GPBP1L1: variants seen among roughly 807,000 people sequenced by gnomAD.
GPBP1L1 encodes vasculin-like protein 1.
In GPBP1L1, 23 loss-of-function variants were observed where a neutral mutation model predicts 52.5. That is an observed-to-expected ratio of 0.44 (90% confidence interval 0.32 to 0.62). The LOEUF is 0.62. Ranked by LOEUF, GPBP1L1 falls within the 20% of genes least tolerant of loss-of-function variation. GPBP1L1 has a pLI of 0.06. For synonymous variants in GPBP1L1, 243 were observed against 203.1 expected, an observed-to-expected ratio of 1.20 and a Z score of -1.67; for missense variants, 596 against 579.3, an observed-to-expected ratio of 1.03 and a Z score of -0.30.
intron 3 of GPBP1L1, among the ~76,000 whole-genome samples, chr1:45,659,716 G>A (rs1339528629): frequency 6.6e-6 from 1 of 152,164 alleles, no homozygotes; most frequent in South Asian, 2.1e-4. Flanking sequence ...GGCCGAGGTG[G>A]ATCGCTTGAG....
intron 3 of GPBP1L1, 85 bp downstream of exon 3, chr1:45,660,099 A>T (rs1013456472): frequency 2.5e-6 from 2 of 802,768 alleles, no homozygotes; most frequent in African/African-American, 3.7e-5. Context: ...CTCCAAAATT[A>T]ATTACATCAG....
chr1:45,678,934 A>G (rs1236273551), intron 2 of GPBP1L1, among the ~76,000 whole-genome samples: 1 of 152,224 alleles, frequency 6.6e-6, no homozygotes, highest in African/African-American at 2.4e-5. Context: ...CACTTAGACT[A>G]CAATCTGGAA....
At chr1:45,649,324 T>C (rs2148459292) in intron 6 of GPBP1L1, among the ~76,000 whole-genome samples, 1 of 152,340 alleles carries the variant, frequency 6.6e-6, no homozygotes, top group East Asian at 1.9e-4. Flanking sequence ...ACAACACTTA[T>C]TCAAATTGTC....
At chr1:45,671,170 T>A (rs1339237554) in intron 2 of GPBP1L1, among the ~76,000 whole-genome samples, 2 of 150,762 alleles carry the variant, frequency 1.3e-5, no homozygotes, top group East Asian at 2.0e-4. Context: ...CCCCTCATAA[T>A]ATACCTATAA....
rs540124474 is a variant in GPBP1L1 at position 45,640,017 on chromosome 1, C to CAA, written c.744+192_744+193insTT. On this transcript the variant is annotated intron_variant, in intron 8 of 12. Transcript: ENST00000355105. ...TGCCACTGCATTCCAGCCTGGGTGA[C>CAA]AGAGTGAGACCTTGTCTCAAAAAAA... Among the ~76,000 whole-genome samples, 1,076 of 147,272 alleles carry CAA rather than the reference C, an allele frequency of 7.3e-3. 11 individuals are homozygous for CAA. Among genetic ancestry groups the CAA allele is most frequent in the African/African-American group, 0.026 (1,024 of 39,692 alleles).
Position 45,681,429 on chromosome 1 carries a change from G to A in GPBP1L1, c.-1098+4147C>T, listed in dbSNP as rs368066216. Reference sequence around the variant, plus strand: ...ACAAAGTACAAGGAAAAAAACTGAGGAGAAATATGCAAATTAAGGCATTTA... The same window carrying A: ...ACAAAGTACAAGGAAAAAAACTGAGAAGAAATATGCAAATTAAGGCATTTA... On this transcript the variant is annotated intron_variant, in intron 2 of 12. Coordinates refer to ENST00000355105, the MANE Select transcript of GPBP1L1 (RefSeq NM_021639.5). 4.6e-5 allele frequency among the ~76,000 whole-genome samples: 7 copies of A among 152,212 alleles called. No homozygotes were observed. In the East Asian group the frequency reaches 7.7e-4, roughly 17 times the overall value.
intron 10 of GPBP1L1, among the ~76,000 whole-genome samples, chr1:45,633,077 C>A (rs572797695): frequency 6.6e-6 from 1 of 152,324 alleles, no homozygotes; most frequent in South Asian, 2.1e-4. Flanking sequence ...CAAAATGGCA[C>A]AACCACTTTG....
chr1:45,678,225 G>A (rs1645170202), intron 2 of GPBP1L1, among the ~76,000 whole-genome samples: 1 of 152,166 alleles, frequency 6.6e-6, no homozygotes, highest in Non-Finnish European at 1.5e-5. Context: ...AGTAGCAATG[G>A]TTGTACAAAT....
intron 2 of GPBP1L1, among the ~76,000 whole-genome samples, chr1:45,680,732 A>C (rs1266330862): frequency 6.6e-6 from 1 of 152,136 alleles, no homozygotes; most frequent in Non-Finnish European, 1.5e-5. Context: ...CCAAATACCT[A>C]CCTAATTTGG....
chr1:45,686,796 A>G (rs1645295079), upstream of GPBP1L1: 1 of 152,214 alleles, frequency 6.6e-6, no homozygotes, highest in African/African-American at 2.4e-5. Flanking sequence ...TCTGCCCCCT[A>G]CAGAATTGAA....
chr1:45,680,906 G>C (rs1645205036), intron 2 of GPBP1L1, among the ~76,000 whole-genome samples: 1 of 152,040 alleles, frequency 6.6e-6, no homozygotes, highest in Non-Finnish European at 1.5e-5. Context: ...GTAGAAAATA[G>C]GGAAAAAAAT....
At chr1:45,660,143 TAG>T (rs1644931806) in intron 3 of GPBP1L1, 39 bp downstream of exon 3, 1 of 969,096 alleles carries the variant, frequency 1.0e-6, no homozygotes, top group Non-Finnish European at 1.2e-6. Flanking sequence ...TGCATATACA[TAG>T]AGTCTTCTTT....
chr1:45,672,505 A>G (rs1184080757), intron 2 of GPBP1L1, among the ~76,000 whole-genome samples: 1 of 150,858 alleles, frequency 6.6e-6, no homozygotes, highest in Non-Finnish European at 1.5e-5. Flanking sequence ...AGATTCCACA[A>G]ATAATGAGAG....
At chr1:45,655,777 T>TAA (rs959624293) in intron 4 of GPBP1L1, 4 of 146,374 alleles carry the variant, frequency 2.7e-5, no homozygotes, top group Non-Finnish European at 4.5e-5. Flanking sequence ...ACAGAACTTT[T>TAA]AAAAAAAAAA....
At chr1:45,654,462 A>C (rs1335694697) in intron 6 of GPBP1L1, 81 bp downstream of exon 6, 1 of 1,271,352 alleles carries the variant, frequency 7.9e-7, no homozygotes, top group East Asian at 2.4e-5. Context: ...AATTTCTGAA[A>C]TGTTCTCATT....
chr1:45,627,790 C>G lies in GPBP1L1; in HGVS notation c.*466G>C, dbSNP rs780887252. The G allele has an allele frequency of 6.6e-6, 1 of 152,250 alleles. No homozygotes were observed. The highest frequency in any genetic ancestry group is 6.6e-5 in the Admixed American group (1 of 15,262). The allele number at this position is 152,250 out of a possible 1,614,324, so 9.4% of individuals were successfully genotyped here. On this transcript the variant is annotated 3_prime_UTR_variant, in exon 13 of 13. Transcript: ENST00000355105. ...TGCTTGGTTAAGGGCTAAAGTTACC[C>G]GAGCAGCCAAAAATAAAATAAAATA...
intron 10 of GPBP1L1, 163 bp from the exon 11 acceptor site, chr1:45,630,769 AC>A (rs1644520193): frequency 3.6e-6 from 2 of 562,516 alleles, no homozygotes; most frequent in Non-Finnish European, 5.7e-6. Flanking sequence ...TGCTGCATCA[AC>A]AAAACTGATT....
At chr1:45,652,164 T>C (rs568454671) in intron 6 of GPBP1L1, among the ~76,000 whole-genome samples, 1 of 152,228 alleles carries the variant, frequency 6.6e-6, no homozygotes, top group Non-Finnish European at 1.5e-5. Context: ...ACCCCAGTTG[T>C]GACAACAAAG....
intron 6 of GPBP1L1, among the ~76,000 whole-genome samples, chr1:45,652,155 C>A (rs1369065107): frequency 1.3e-5 from 2 of 152,184 alleles, no homozygotes; most frequent in Non-Finnish European, 2.9e-5. Context: ...TTAACACTAA[C>A]CCCAGTTGTG....
Sources: gnomAD v4.1 joint callset for allele counts (sites outside exome capture counted in the v4.1 genomes callset) on GRCh38, gnomAD v4.1.1 for gene constraint, MANE v1.5 for transcripts, NCBI Gene and HGNC (gene_info 2026-07-23, HGNC 2026-07-21) for gene names.